ABI3BP: variants seen among roughly 807,000 people sequenced by gnomAD.
The protein encoded by ABI3BP is ABI family member 3 binding protein.
A neutral mutation model predicts 268.6 loss-of-function variants in ABI3BP; 216 were observed. The ratio of observed to expected loss-of-function variants is 0.80; its 90% CI spans 0.72 to 0.90. ABI3BP has a LOEUF of 0.90. Ranked by LOEUF, ABI3BP falls within the 40% of genes least tolerant of loss-of-function variation. The pLI is 0.00. For missense variants in ABI3BP, 2,090 were observed against 2,182.4 expected, an observed-to-expected ratio of 0.96 and a Z score of 0.84; for synonymous variants, 730 against 730.0, an observed-to-expected ratio of 1.00 and a Z score of 0.00.
rs138976461 is a variant in ABI3BP at position 100,779,465 on chromosome 3, T to C, written c.4240+667A>G. Among the ~76,000 whole-genome samples the C allele has an allele frequency of 3.6e-3, 543 of 152,358 alleles. 5 individuals are homozygous for C. Among genetic ancestry groups the C allele is most frequent in the Non-Finnish European group, 5.3e-3 (360 of 68,034 alleles). On this transcript the variant is annotated intron_variant, in intron 58 of 67. Transcript: ENST00000471714. ...GTGAGGTCAAAGGTGCTTGGAGAAGTCTGCTTTAACCCACATTTTAAGTCT... is the reference window on the plus strand; with the variant it reads ...GTGAGGTCAAAGGTGCTTGGAGAAGCCTGCTTTAACCCACATTTTAAGTCT...
At chr3:100,901,924 T>C (rs996422453) in intron 3 of ABI3BP, among the ~76,000 whole-genome samples, 1 of 152,172 alleles carries the variant, frequency 6.6e-6, no homozygotes, top group Non-Finnish European at 1.5e-5. Flanking sequence ...GTAGTGAAAT[T>C]AGACGACATA....
chr3:100,992,814 T>C (rs1313050099), intron 1 of ABI3BP, among the ~76,000 whole-genome samples: 2 of 152,222 alleles, frequency 1.3e-5, no homozygotes, highest in East Asian at 1.9e-4. Context: ...AATCAGCACA[T>C]GACCGTACTT....
At chr3:100,859,381 C>A (rs2098972326) in intron 14 of ABI3BP, among the ~76,000 whole-genome samples, 1 of 152,026 alleles carries the variant, frequency 6.6e-6, no homozygotes, top group Admixed American at 6.5e-5. Flanking sequence ...TTGCACCAAC[C>A]TATATTATGT....
intron 56 of ABI3BP, among the ~76,000 whole-genome samples, chr3:100,789,090 GAA>G (rs1316384016): frequency 6.6e-6 from 1 of 152,056 alleles, no homozygotes; most frequent in African/African-American, 2.4e-5. Context: ...TTCCTGTGCT[GAA>G]AAGAGACCCT....
intron 63 of ABI3BP, among the ~76,000 whole-genome samples, chr3:100,762,798 C>CAT (rs1272681962): frequency 6.6e-6 from 1 of 152,130 alleles, no homozygotes; most frequent in African/African-American, 2.4e-5. Flanking sequence ...CCTTGACCAC[C>CAT]ATAAAGTTTC....
intron 55 of ABI3BP, among the ~76,000 whole-genome samples, chr3:100,791,794 C>G (rs147393116): frequency 6.6e-6 from 1 of 151,834 alleles, no homozygotes; most frequent in Non-Finnish European, 1.5e-5. Context: ...TTCTTAGTCA[C>G]GTTTACTTGT....
At chr3:100,795,728 A>T in intron 53 of ABI3BP, 76 bp downstream of exon 53, 3 of 1,074,200 alleles carry the variant, frequency 2.8e-6, no homozygotes, top group Non-Finnish European at 3.7e-6. Flanking sequence ...ATGTTTCAAC[A>T]GGATCATTTG....
chr3:100,899,658 GA>G (rs1365867160), intron 3 of ABI3BP, among the ~76,000 whole-genome samples: 1 of 152,092 alleles, frequency 6.6e-6, no homozygotes, highest in East Asian at 1.9e-4. Flanking sequence ...GTAGGGCAGC[GA>G]AAAACAGGAA....
intron 9 of ABI3BP, among the ~76,000 whole-genome samples, chr3:100,872,213 G>A (rs1484977075): frequency 6.6e-6 from 1 of 151,868 alleles, no homozygotes. Flanking sequence ...TATTTTCATA[G>A]TTTTAATTAT....
intron 1 of ABI3BP, among the ~76,000 whole-genome samples, chr3:100,986,962 T>A (rs2091940196): frequency 6.6e-6 from 1 of 152,192 alleles, no homozygotes; most frequent in Non-Finnish European, 1.5e-5. Flanking sequence ...ATACTATTTA[T>A]TTTTACTTTT....
rs530945327 is a variant in ABI3BP at position 100,967,330 on chromosome 3, T to C, written c.79+25976A>G. On this transcript the variant is annotated intron_variant, in intron 1 of 67. Coordinates refer to ENST00000471714, the MANE Select transcript of ABI3BP (RefSeq NM_001375547.2). The stretch of plus-strand genomic sequence containing the variant: ...CAGCCAGGCCAACATGGTGAAATAT[T>C]GTCTCTGTCAAAAATACAAAAATTA... Among the ~76,000 whole-genome samples, 5 of 151,916 alleles carry C rather than the reference T, an allele frequency of 3.3e-5. No individual in the cohort carries two copies. In the East Asian group the frequency reaches 7.8e-4, roughly 24 times the overall value.
chr3:100,846,273 A>C (rs1404687895), intron 20 of ABI3BP, 99 bp downstream of exon 20: 13 of 849,296 alleles, frequency 1.5e-5, no homozygotes, highest in African/African-American at 3.5e-5. Context: ...AATGTAACAA[A>C]TGTCAAAATA....
At chr3:100,847,504 G>T in intron 19 of ABI3BP, 98 bp downstream of exon 19, 2 of 1,036,968 alleles carry the variant, frequency 1.9e-6, no homozygotes, top group Non-Finnish European at 1.5e-6. Context: ...ACCGTTTTGA[G>T]TATCTTAACA....
chr3:100,789,450 T>A lies in ABI3BP; in HGVS notation c.4087+4A>T, dbSNP rs561444899. The A allele has an allele frequency of 2.6e-5, 42 of 1,597,734 alleles. No homozygotes were observed. In the South Asian group the frequency reaches 3.4e-4, roughly 13 times the overall value. On this transcript the variant is annotated splice_donor_region_variant and intron_variant, in intron 56 of 67. Coordinates refer to ENST00000471714, the MANE Select transcript of ABI3BP (RefSeq NM_001375547.2). ...TTATTTAAGTCATCAGAGAAACAAC[T>A]TACCAGGTCTGATGTGTGGCTTGTC...
At position 100,820,221 on chromosome 3, in the gene ABI3BP, C is replaced by G; in HGVS notation, c.3030G>C (p.Leu1010=). The G allele has an allele frequency of 6.5e-7, 1 of 1,535,622 alleles. No homozygotes were observed. Among genetic ancestry groups the G allele is most frequent in the Non-Finnish European group, 8.7e-7 (1 of 1,146,446 alleles). Residue 1010 remains leucine (L), a splice_region_variant and synonymous_variant, in exon 40 of 68, where the codon CTG becomes CTC. Transcript: ENST00000471714. ...CTTTAACCAGAAACCCAAATTTACC[C>G]AGTTTGGTTTGAGGAACCTCAGGAC... is the stretch of plus-strand genomic sequence containing the variant. ...TPSPEVPQTK[L]VPSTDLEPGT...
At chr3:100,907,263 G>T (rs2053844396) in intron 2 of ABI3BP, among the ~76,000 whole-genome samples, 1 of 152,188 alleles carries the variant, frequency 6.6e-6, no homozygotes, top group African/African-American at 2.4e-5. Flanking sequence ...GGAGGCCAAG[G>T]TAGGGAGATC....
intron 1 of ABI3BP, among the ~76,000 whole-genome samples, chr3:100,991,897 C>T (rs1417693097): frequency 6.6e-6 from 1 of 152,028 alleles, no homozygotes; most frequent in Middle Eastern, 3.2e-3. Context: ...AAAGTTGCAC[C>T]TATATCATCC....
At chr3:100,813,556 G>T (rs941620346) in intron 45 of ABI3BP, 105 bp downstream of exon 45, 3 of 845,854 alleles carry the variant, frequency 3.5e-6, no homozygotes, top group Non-Finnish European at 3.7e-6. Flanking sequence ...AGTTATTAAT[G>T]TATATTCCTT....
intron 62 of ABI3BP, 95 bp downstream of exon 62, chr3:100,770,648 G>T (rs2096518591): frequency 8.3e-7 from 1 of 1,206,532 alleles, no homozygotes. Flanking sequence ...CCCCAGGTAT[G>T]CTTCACATGT....
Sources: gnomAD v4.1 joint callset for allele counts (sites outside exome capture counted in the v4.1 genomes callset) on GRCh38, gnomAD v4.1.1 for gene constraint, MANE v1.5 for transcripts, NCBI Gene and HGNC (gene_info 2026-07-23, HGNC 2026-07-21) for gene names.